The following AKT3 variants were observed in gnomAD, a reference collection of about 807,000 sequenced individuals.
AKT3 encodes the protein AKT serine/threonine kinase 3, also known as RAC-gamma serine/threonine-protein kinase.
A neutral mutation model predicts 65.3 loss-of-function variants in AKT3; 15 were observed. The observed-to-expected ratio is 0.23, with a 90% CI of 0.15 to 0.35. The LOEUF is 0.35. AKT3 is among the 10% of genes least tolerant of loss of function. The probability of loss-of-function intolerance (pLI) is 1.00; values close to 1 mark genes in which losing one functional copy is unlikely to be tolerated. For missense variants in AKT3, 243 were observed against 576.5 expected, an observed-to-expected ratio of 0.42 and a Z score of 5.92; for synonymous variants, 206 against 183.8, an observed-to-expected ratio of 1.12 and a Z score of -0.98.
intron 2 of AKT3, among the ~76,000 whole-genome samples, chr1:243,832,004 C>G (rs1694549356): frequency 6.6e-6 from 1 of 151,058 alleles, no homozygotes; most frequent in African/African-American, 2.4e-5. Flanking sequence ...AGAGAGGCCA[C>G]CAACAGTGGC....
chr1:243,545,665 T>A (rs1672614231), intron 11 of AKT3, 68 bp from the exon 12 acceptor site: 1 of 1,178,644 alleles, frequency 8.5e-7, no homozygotes, highest in African/African-American at 1.5e-5. Flanking sequence ...TAACAAAAAA[T>A]ATTTTGTGAA....
chr1:243,799,741 T>C (rs987420575), intron 2 of AKT3, among the ~76,000 whole-genome samples: 2 of 152,222 alleles, frequency 1.3e-5, no homozygotes, highest in East Asian at 1.9e-4. Context: ...AAGAGCTTTT[T>C]TGAAAGTCTG....
At chr1:243,555,065 T>C (rs1192260336) in intron 10 of AKT3, among the ~76,000 whole-genome samples, 3 of 152,232 alleles carry the variant, frequency 2.0e-5, no homozygotes. Context: ...ATATCGATTC[T>C]TAAAATAAGT....
At chr1:243,694,727 A>G (rs1684949072) in intron 3 of AKT3, among the ~76,000 whole-genome samples, 1 of 151,960 alleles carries the variant, frequency 6.6e-6, no homozygotes, top group African/African-American at 2.4e-5. Flanking sequence ...GTAACATTCA[A>G]AGACTTATTT....
intron 2 of AKT3, among the ~76,000 whole-genome samples, chr1:243,794,020 C>T (rs1691791341): frequency 6.6e-6 from 1 of 152,134 alleles, no homozygotes; most frequent in African/African-American, 2.4e-5. Flanking sequence ...AGCCATTTTA[C>T]CATTAAAAAG....
At chr1:243,750,399 A>G (rs1258832581) in intron 2 of AKT3, among the ~76,000 whole-genome samples, 1 of 119,078 alleles carries the variant, frequency 8.4e-6, no homozygotes. Context: ...TCTCACATGC[A>G]TGCACGTATA....
rs545988207 is a variant in AKT3 at position 243,700,284 on chromosome 1, G to A, written c.47-4568C>T. On this transcript the variant is annotated intron_variant, in intron 2 of 13. Coordinates refer to ENST00000673466, the MANE Select transcript of AKT3 (RefSeq NM_005465.7). ...GTAGAGAATCCTACTTGTAAATTAT[G>A]AGGGTGGAAGAAACTGTTTGCTAGA... Among the ~76,000 whole-genome samples, 5 of 152,232 alleles carry A rather than the reference G, an allele frequency of 3.3e-5. No homozygotes were observed. In the South Asian group the frequency reaches 1.0e-3, roughly 32 times the overall value.
chr1:243,734,756 A>G (rs1687749806), intron 2 of AKT3, among the ~76,000 whole-genome samples: 1 of 152,256 alleles, frequency 6.6e-6, no homozygotes, highest in Non-Finnish European at 1.5e-5. Context: ...TCAGCTTACT[A>G]TAACTTTTTT....
upstream of AKT3, among the ~76,000 whole-genome samples, chr1:243,850,294 G>C (rs1397212370): frequency 7.3e-6 from 1 of 137,574 alleles, no homozygotes; most frequent in Non-Finnish European, 1.7e-5. Context: ...GCTGGAGCGG[G>C]AGGCGGCGGC....
At chr1:243,559,468 T>C (rs1673623342) in intron 10 of AKT3, among the ~76,000 whole-genome samples, 1 of 152,156 alleles carries the variant, frequency 6.6e-6, no homozygotes, top group African/African-American at 2.4e-5. Context: ...ACAAATGGCA[T>C]ATTTATACTG....
At chr1:243,795,123 A>G (rs907118029) in intron 2 of AKT3, among the ~76,000 whole-genome samples, 1 of 110,898 alleles carries the variant, frequency 9.0e-6, no homozygotes, top group African/African-American at 3.4e-5. Context: ...CTCCCTCTCC[A>G]CCTCTCTATG....
At chr1:243,811,415 T>G (rs1029737076) in intron 2 of AKT3, among the ~76,000 whole-genome samples, 1 of 152,226 alleles carries the variant, frequency 6.6e-6, no homozygotes, top group Non-Finnish European at 1.5e-5. Context: ...GAACTCCCAT[T>G]CACGATTGCT....
chr1:243,828,319 A>C lies in AKT3; in HGVS notation c.46+14806T>G, dbSNP rs533837786. 2.0e-5 allele frequency among the ~76,000 whole-genome samples: 3 copies of C among 152,300 alleles called. No individual in the cohort carries two copies. The South Asian group carries it at 6.2e-4, about 32-fold the overall frequency. On this transcript the variant is annotated intron_variant, in intron 2 of 13. Transcript: ENST00000673466. ...GGCACTTTTATCATCTCCATTTTACAGACCAGAAATTTAAGACAGATTAAG... is the reference window on the plus strand; with the variant it reads ...GGCACTTTTATCATCTCCATTTTACCGACCAGAAATTTAAGACAGATTAAG...
At chr1:243,657,451 A>G (rs1415629684) in intron 4 of AKT3, among the ~76,000 whole-genome samples, 5 of 152,232 alleles carry the variant, frequency 3.3e-5, no homozygotes, top group African/African-American at 1.2e-4. Flanking sequence ...AAGGTGAAAG[A>G]TTTGTACACT....
chr1:243,768,156 CATAT>C (rs1689949146), intron 2 of AKT3, among the ~76,000 whole-genome samples: 1 of 150,236 alleles, frequency 6.7e-6, no homozygotes, highest in African/African-American at 2.4e-5. Context: ...GATATACATA[CATAT>C]ATATAATATA....
Position 243,552,662 on chromosome 1 carries a change from T to C in AKT3, c.1163+67A>G, listed in dbSNP as rs1437927784. ...CTTCTTGGAGTTAGTTATATTTGAA[T>C]TAATTTCCATATCTCAATTTTTAAC... On this transcript the variant is annotated intron_variant, in intron 11 of 13. Transcript: ENST00000673466. 8 of 1,414,208 alleles carry C rather than the reference T, an allele frequency of 5.7e-6. No individual in the cohort carries two copies. The South Asian group carries it at 8.3e-5, about 15-fold the overall frequency. 87.6% of individuals were successfully genotyped at this position (1,414,208 alleles called of 1,614,324 possible).
At chr1:243,682,246 T>G (rs1488828277) in intron 3 of AKT3, among the ~76,000 whole-genome samples, 2 of 152,016 alleles carry the variant, frequency 1.3e-5, no homozygotes, top group Non-Finnish European at 2.9e-5. Flanking sequence ...CAGGTGGTGA[T>G]CCTCCTACCC....
At chr1:243,832,493 A>G (rs1213930816) in intron 2 of AKT3, among the ~76,000 whole-genome samples, 1 of 152,196 alleles carries the variant, frequency 6.6e-6, no homozygotes, top group African/African-American at 2.4e-5. Context: ...TATCAGACTA[A>G]CCCTTCTATA....
At chr1:243,804,979 A>G (rs1471330710) in intron 2 of AKT3, among the ~76,000 whole-genome samples, 2 of 152,182 alleles carry the variant, frequency 1.3e-5, no homozygotes, top group Non-Finnish European at 2.9e-5. Flanking sequence ...CATTTTTCTA[A>G]TGGTAGAACA....
Sources: allele counts gnomAD v4.1 joint callset (sites outside exome capture counted in the v4.1 genomes callset), GRCh38; gene constraint gnomAD v4.1.1; transcripts MANE v1.5; gene names NCBI Gene and HGNC (gene_info 2026-07-23, HGNC 2026-07-21).